BTBD2: variants seen among roughly 807,000 people sequenced by gnomAD.
BTBD2 encodes BTB/POZ domain-containing protein 2.
Under a neutral mutation model 44.0 loss-of-function variants are expected in BTBD2, and 15 were observed. The ratio of observed to expected loss-of-function variants is 0.34; its 90% CI spans 0.23 to 0.53. The LOEUF is 0.53. BTBD2 is among the 20% of genes least tolerant of loss of function. The probability of loss-of-function intolerance (pLI) is 0.95; values close to 1 mark genes in which losing one functional copy is unlikely to be tolerated. For missense variants in BTBD2, 657 were observed against 746.4 expected (o/e 0.88, Z 1.39); for synonymous variants, 443 against 335.9 (o/e 1.32, Z -3.49).
At position 1,986,914 on chromosome 19, in the gene BTBD2, G is replaced by A. The variant is rs372612675; in HGVS notation, c.1332C>T (p.Gly444=). The part of the protein sequence containing the change: ...GQNDTGFSCD[G]SASTFRVMFK... ...ACATGACGCGGAAGGTGCTGGCTGA[G>A]CCGTCGCAGCTGAAGCCCGTGTCGT... is the stretch of plus-strand genomic sequence containing the variant. The change falls in exon 8 of 9, where the codon GGC becomes GGT. Residue 444 remains glycine, a synonymous_variant. Transcript: ENST00000255608. The A allele has an allele frequency of 6.3e-5, 101 of 1,613,144 alleles. No homozygotes were observed. Among genetic ancestry groups the A allele is most frequent in the Non-Finnish European group, 8.1e-5 (96 of 1,179,850 alleles).
chr19:2,004,989 T>A (rs539234254), intron 1 of BTBD2, among the ~76,000 whole-genome samples: 1 of 151,692 alleles, frequency 6.6e-6, no homozygotes, highest in South Asian at 2.1e-4. Flanking sequence ...CCGGCTAATT[T>A]TTTTGTATTT....
intron 1 of BTBD2, among the ~76,000 whole-genome samples, chr19:2,000,730 A>C (rs1599355924): frequency 1.3e-5 from 2 of 152,138 alleles, no homozygotes; most frequent in Non-Finnish European, 2.9e-5. Flanking sequence ...CGGCCACACA[A>C]AAACACATCC....
chr19:1,993,995 CAAAAAAAAAAAAAAAAAAAAAAAAAAAAA>C (rs542137742), intron 2 of BTBD2, among the ~76,000 whole-genome samples: 1 of 24,942 alleles, frequency 4.0e-5, no homozygotes, highest in African/African-American at 1.5e-4. Context: ...GAATCCGTCT[CAAAAAAAAAAAAAAAAAAAAAAAAAAAAA>C]AAAGCAGCAC....
At position 1,986,975 on chromosome 19, in the gene BTBD2, A is replaced by G; in HGVS notation, c.1271T>C (p.Ile424Thr). 1 of 1,611,118 alleles carries G rather than the reference A, an allele frequency of 6.2e-7. No individual in the cohort carries two copies. Among genetic ancestry groups the G allele is most frequent in the Non-Finnish European group, 8.5e-7 (1 of 1,178,454 alleles). Residue 424 changes from isoleucine (I) to threonine (T), a missense_variant and splice_region_variant, in exon 8 of 9, where the codon ATT becomes ACT. Physicochemically the swap from Ile to Thr is moderately conservative, Grantham distance 89 (BLOSUM62 -1). Coordinates refer to ENST00000255608, the MANE Select transcript of BTBD2 (RefSeq NM_017797.4). ...GPTDYQVNIQ[I>T]IHTDSNTVLG... ...GACGGTGTTGCTATCGGTGTGAATA[A>G]TCTGCGGGGAGGTGGGAAGTGGGAG...
At chr19:1,999,392 C>T (rs2145635924) in intron 1 of BTBD2, among the ~76,000 whole-genome samples, 1 of 152,312 alleles carries the variant, frequency 6.6e-6, no homozygotes, top group Non-Finnish European at 1.5e-5. Flanking sequence ...ACAGGCCGGG[C>T]ACGGTGGCCC....
At chr19:1,998,392 G>A (rs921477877) in intron 1 of BTBD2, among the ~76,000 whole-genome samples, 2 of 152,228 alleles carry the variant, frequency 1.3e-5, no homozygotes, top group Admixed American at 6.5e-5. Context: ...CACGTCCATG[G>A]GGAAGGGCAT....
intron 1 of BTBD2, among the ~76,000 whole-genome samples, chr19:2,010,696 G>A (rs1157449978): frequency 6.6e-6 from 1 of 150,558 alleles, no homozygotes; most frequent in East Asian, 1.9e-4. Context: ...CTGGAGTGCA[G>A]TGGCGCAATC....
chr19:2,001,146 TG>T (rs1278755612), intron 1 of BTBD2, among the ~76,000 whole-genome samples: 1 of 151,800 alleles, frequency 6.6e-6, no homozygotes, highest in Non-Finnish European at 1.5e-5. Flanking sequence ...TAGCCAGGTG[TG>T]GTGGTGGACA....
chr19:2,002,728 T>C (rs557764681), intron 1 of BTBD2: 1 of 151,820 alleles, frequency 6.6e-6, no homozygotes, highest in South Asian at 2.1e-4. Flanking sequence ...CAAAAACAAA[T>C]TAGCCAGGCG....
intron 1 of BTBD2, among the ~76,000 whole-genome samples, chr19:1,999,690 G>A (rs1447692178): frequency 6.6e-6 from 1 of 151,822 alleles, no homozygotes. Flanking sequence ...GCCAGGTGCA[G>A]TGGCTCACGC....
chr19:2,004,203 T>G (rs2016365448), intron 1 of BTBD2, among the ~76,000 whole-genome samples: 1 of 151,938 alleles, frequency 6.6e-6, no homozygotes, highest in Admixed American at 6.6e-5. Flanking sequence ...AAAACCAACC[T>G]GTGCCCCACC....
intron 1 of BTBD2, chr19:2,013,763 G>T: frequency 4.2e-5 from 35 of 839,088 alleles, no homozygotes; most frequent in Non-Finnish European, 5.0e-5. Context: ...TCCAGATCAT[G>T]TGCTGAGCCT....
intron 1 of BTBD2, among the ~76,000 whole-genome samples, chr19:2,010,029 G>A (rs1182660724): frequency 6.6e-6 from 1 of 152,122 alleles, no homozygotes; most frequent in African/African-American, 2.4e-5. Flanking sequence ...GCGGGTGCCT[G>A]TAGTCCCAGC....
chr19:2,006,689 A>C (rs980299058), intron 1 of BTBD2, among the ~76,000 whole-genome samples: 3 of 151,410 alleles, frequency 2.0e-5, no homozygotes, highest in African/African-American at 7.3e-5. Flanking sequence ...TTTGTAAATT[A>C]AGTTTTTTTT....
intron 1 of BTBD2, among the ~76,000 whole-genome samples, chr19:2,012,668 C>T (rs143817823): frequency 6.6e-6 from 1 of 152,330 alleles, no homozygotes; most frequent in African/African-American, 2.4e-5. Flanking sequence ...CAGGCCCGCC[C>T]ACCTTACCTT....
chr19:2,004,423 G>T (rs554023598), intron 1 of BTBD2, among the ~76,000 whole-genome samples: 1 of 151,206 alleles, frequency 6.6e-6, no homozygotes, highest in African/African-American at 2.4e-5. Flanking sequence ...TCAGCCTCCC[G>T]AGTAGCTGGG....
chr19:1,986,980 C>G lies in BTBD2; in HGVS notation c.1270-4G>C, dbSNP rs1230804718. 5 of 1,609,688 alleles carry G rather than the reference C, an allele frequency of 3.1e-6. No individual in the cohort carries two copies. Among genetic ancestry groups the G allele is most frequent in the Non-Finnish European group, 4.2e-6 (5 of 1,177,698 alleles). On this transcript the variant is annotated splice_region_variant and splice_polypyrimidine_tract_variant and intron_variant, in intron 7 of 8. Coordinates refer to ENST00000255608, the MANE Select transcript of BTBD2 (RefSeq NM_017797.4). ...TGTTGCTATCGGTGTGAATAATCTG[C>G]GGGGAGGTGGGAAGTGGGAGGCTCA...
At chr19:2,000,392 G>A (rs2016313994) in intron 1 of BTBD2, among the ~76,000 whole-genome samples, 1 of 152,234 alleles carries the variant, frequency 6.6e-6, no homozygotes, top group African/African-American at 2.4e-5. Flanking sequence ...ATGTATCTTG[G>A]TCTCCTGTGG....
At chr19:2,000,369 T>G (rs542689037) in intron 1 of BTBD2, among the ~76,000 whole-genome samples, 14 of 152,302 alleles carry the variant, frequency 9.2e-5, no homozygotes, top group African/African-American at 3.1e-4. Context: ...GACTTCTCTT[T>G]CTTGATTTAA....
Sources: allele counts gnomAD v4.1 joint callset (sites outside exome capture counted in the v4.1 genomes callset), GRCh38; gene constraint gnomAD v4.1.1; transcripts MANE v1.5; gene names NCBI Gene and HGNC (gene_info 2026-07-23, HGNC 2026-07-21).